The following SNX30 variants were observed in gnomAD, a reference collection of about 807,000 sequenced individuals.
The protein encoded by SNX30 is sorting nexin-30.
A neutral mutation model predicts 46.4 loss-of-function variants in SNX30; 24 were observed. That is an observed-to-expected ratio of 0.52 (90% CI 0.37 to 0.73). The LOEUF is 0.73. Ranked by LOEUF, SNX30 falls within the 30% of genes least tolerant of loss-of-function variation. The pLI is 0.00. For missense variants in SNX30, 533 were observed against 555.7 expected (o/e 0.96, Z 0.41); for synonymous variants, 189 against 211.5 (o/e 0.89, Z 0.92).
chr9:112,819,641 C>G (rs1481172982), intron 3 of SNX30, among the ~76,000 whole-genome samples: 1 of 152,156 alleles, frequency 6.6e-6, no homozygotes, highest in Non-Finnish European at 1.5e-5. Flanking sequence ...TCCTTAGGCT[C>G]TTCTTGGTTG....
At chr9:112,764,051 T>C (rs1839489821) in intron 1 of SNX30, among the ~76,000 whole-genome samples, 1 of 152,150 alleles carries the variant, frequency 6.6e-6, no homozygotes, top group South Asian at 2.1e-4. Context: ...CCATGCCCTA[T>C]GTCCATGTAG....
At chr9:112,815,411 A>G (rs1840381276) in intron 2 of SNX30, among the ~76,000 whole-genome samples, 1 of 148,348 alleles carries the variant, frequency 6.7e-6, no homozygotes, top group Admixed American at 6.8e-5. Context: ...CCCAGGCTGG[A>G]GTGCAGTGGT....
intron 7 of SNX30, among the ~76,000 whole-genome samples, chr9:112,861,522 G>A (rs1232992071): frequency 6.6e-6 from 1 of 152,178 alleles, no homozygotes; most frequent in Non-Finnish European, 1.5e-5. Context: ...CTGGAAGTTT[G>A]GTTCTAGAGC....
chr9:112,781,830 C>T (rs530191185), intron 1 of SNX30, among the ~76,000 whole-genome samples: 15 of 148,312 alleles, frequency 1.0e-4, no homozygotes, highest in African/African-American at 2.2e-4. Context: ...TTAGTAGAGA[C>T]GGGGTTTTGC....
chr9:112,773,518 C>T (rs1839687179), intron 1 of SNX30, among the ~76,000 whole-genome samples: 1 of 151,924 alleles, frequency 6.6e-6, no homozygotes, highest in African/African-American at 2.4e-5. Context: ...CTAAGACTTA[C>T]ATATATTTTG....
intron 7 of SNX30, among the ~76,000 whole-genome samples, chr9:112,859,834 ATAG>A (rs1841199965): frequency 6.6e-6 from 1 of 151,718 alleles, no homozygotes; most frequent in South Asian, 2.1e-4. Context: ...ATTTTTTTTA[ATAG>A]TAGCCATCCT....
chr9:112,804,662 G>A (rs1437962303), intron 1 of SNX30, 114 bp from the exon 2 acceptor site: 11 of 913,142 alleles, frequency 1.2e-5, no homozygotes, highest in Non-Finnish European at 1.5e-5. Context: ...CAGGTGTTTC[G>A]AAAGTTATTT....
chr9:112,826,008 A>T (rs764033469), intron 3 of SNX30, among the ~76,000 whole-genome samples: 1 of 152,180 alleles, frequency 6.6e-6, no homozygotes, highest in Non-Finnish European at 1.5e-5. Flanking sequence ...AGTTTCCCCG[A>T]TTGATGAAAC....
intron 5 of SNX30, among the ~76,000 whole-genome samples, chr9:112,837,815 C>T (rs1840783342): frequency 6.6e-6 from 1 of 151,252 alleles, no homozygotes; most frequent in Non-Finnish European, 1.5e-5. Flanking sequence ...TCTCCCTAAA[C>T]CTATATGAAA....
chr9:112,793,331 C>T (rs1429233508), intron 1 of SNX30, among the ~76,000 whole-genome samples: 1 of 152,194 alleles, frequency 6.6e-6, no homozygotes, highest in Non-Finnish European at 1.5e-5. Flanking sequence ...GCAGCCAACC[C>T]AGATGCCTTC....
At chr9:112,816,681 C>T (rs16917376) in intron 2 of SNX30, among the ~76,000 whole-genome samples, 4,637 of 152,252 alleles carry the variant, frequency 0.03, 241 homozygotes, top group African/African-American at 0.1. Context: ...ATGAATGACT[C>T]TCGTTCATGT....
intron 8 of SNX30, among the ~76,000 whole-genome samples, chr9:112,867,010 C>T (rs1841363138): frequency 6.7e-6 from 1 of 148,886 alleles, no homozygotes; most frequent in African/African-American, 2.5e-5. Flanking sequence ...CAGAACTCCT[C>T]CCCCCTCCTC....
At position 112,838,363 on chromosome 9, in the gene SNX30, A is replaced by C. The variant is rs143283453; in HGVS notation, c.815-135A>C. 3.8e-4 allele frequency: 251 copies of C among 661,958 alleles called. No homozygotes were observed. The African/African-American group carries it at 4.2e-3, about 11-fold the overall frequency. The allele number at this position is 661,958 out of a possible 1,614,324, so 41.0% of individuals were successfully genotyped here. Reference sequence around the variant, plus strand: ...AGAAACAGTGTTGTGTTTAAAGAAGAGTGGGATCAGGTGAGTGAATGGCCA... The same window carrying C: ...AGAAACAGTGTTGTGTTTAAAGAAGCGTGGGATCAGGTGAGTGAATGGCCA... On this transcript the variant is annotated intron_variant, in intron 5 of 8. Transcript: ENST00000374232.
Position 112,809,642 on chromosome 9 carries a change from A to G in SNX30, c.348+4675A>G, listed in dbSNP as rs114880566. Among the ~76,000 whole-genome samples, 760 of 152,248 alleles carry G rather than the reference A, an allele frequency of 5.0e-3. 6 individuals carry two copies. The highest frequency in any genetic ancestry group is 0.018 in the African/African-American group (746 of 41,556). On this transcript the variant is annotated intron_variant, in intron 2 of 8. Coordinates refer to ENST00000374232, the MANE Select transcript of SNX30 (RefSeq NM_001012994.2). Reference sequence around the variant, plus strand: ...TGCCTCAGTGGTCAACAGAGTCTAAATGCTGCTCCGAGGCTGAATTATGTA... The same window carrying G: ...TGCCTCAGTGGTCAACAGAGTCTAAGTGCTGCTCCGAGGCTGAATTATGTA...
intron 8 of SNX30, among the ~76,000 whole-genome samples, chr9:112,867,599 G>T (rs1377916368): frequency 1.6e-5 from 2 of 124,694 alleles, no homozygotes; most frequent in East Asian, 2.5e-4. Flanking sequence ...GGCTCCTCAG[G>T]ATTCCTCTTC....
chr9:112,794,160 C>CT (rs374645298), intron 1 of SNX30, among the ~76,000 whole-genome samples: 22 of 150,892 alleles, frequency 1.5e-4, no homozygotes, highest in South Asian at 2.1e-4. Context: ...CATTTTTTTT[C>CT]TTTTTTTTTG....
chr9:112,849,423 G>A (rs1840990285), intron 6 of SNX30, among the ~76,000 whole-genome samples: 1 of 152,192 alleles, frequency 6.6e-6, no homozygotes, highest in South Asian at 2.1e-4. Flanking sequence ...GGCACGTGGA[G>A]GCAGTGGCTC....
At chr9:112,878,504 AT>A, downstream of SNX30, 1 of 152,296 alleles carries the variant, frequency 6.6e-6, no homozygotes, top group Non-Finnish European at 1.5e-5. Flanking sequence ...GCTCCCTTAT[AT>A]TAGTGAGGTT....
At chr9:112,759,223 G>A (rs892407213) in intron 1 of SNX30, among the ~76,000 whole-genome samples, 6 of 152,072 alleles carry the variant, frequency 3.9e-5, no homozygotes, top group South Asian at 4.2e-4. Flanking sequence ...GAAGGTTTGC[G>A]GCCCTTGCTT....
Sources: allele counts gnomAD v4.1 joint callset (sites outside exome capture counted in the v4.1 genomes callset), GRCh38; gene constraint gnomAD v4.1.1; transcripts MANE v1.5; gene names NCBI Gene and HGNC (gene_info 2026-07-23, HGNC 2026-07-21).